The following RBFOX1 variants were observed in gnomAD, a reference collection of about 807,000 sequenced individuals.
RBFOX1 encodes the protein RNA binding fox-1 homolog 1.
A neutral mutation model predicts 57.7 loss-of-function variants in RBFOX1; 8 were observed. That is an observed-to-expected ratio of 0.14 (90% confidence interval 0.08 to 0.25). The LOEUF is 0.25. Ranked by LOEUF, RBFOX1 falls within the 10% of genes least tolerant of loss-of-function variation. RBFOX1 has a pLI of 1.00. For synonymous variants in RBFOX1, 326 were observed against 222.4 expected, an observed-to-expected ratio of 1.47 and a Z score of -4.15; for missense variants, 611 against 548.5, an observed-to-expected ratio of 1.11 and a Z score of -1.14.
At chr16:7,516,641 C>T (rs2076418073) in intron 4 of RBFOX1, among the ~76,000 whole-genome samples, 1 of 152,166 alleles carries the variant, frequency 6.6e-6, no homozygotes, top group South Asian at 2.1e-4. Flanking sequence ...ATGCTCGTGC[C>T]CTTTTGTTTC....
intron 2 of RBFOX1, among the ~76,000 whole-genome samples, chr16:6,497,001 C>T (rs2095789734): frequency 6.6e-6 from 1 of 152,168 alleles, no homozygotes; most frequent in South Asian, 2.1e-4. Flanking sequence ...AGTATAGTAT[C>T]TGCCAAGTAC....
intron 3 of RBFOX1, among the ~76,000 whole-genome samples, chr16:7,004,694 A>T (rs77355358): frequency 0.039 from 5,900 of 152,334 alleles, 387 homozygotes; most frequent in African/African-American, 0.13. Flanking sequence ...CAAAAGCCAC[A>T]TCATAACCAG....
intron 4 of RBFOX1, among the ~76,000 whole-genome samples, chr16:6,001,636 G>C (rs949572258): frequency 1.3e-5 from 2 of 152,118 alleles, no homozygotes; most frequent in Non-Finnish European, 2.9e-5. Flanking sequence ...TTATGTATTT[G>C]CTTAAATACA....
chr16:7,294,125 C>A (rs1026061401), intron 4 of RBFOX1, among the ~76,000 whole-genome samples: 1 of 152,108 alleles, frequency 6.6e-6, no homozygotes, highest in Non-Finnish European at 1.5e-5. Flanking sequence ...ATCCAGAAGT[C>A]GAAACACAGA....
intron 3 of RBFOX1, among the ~76,000 whole-genome samples, chr16:6,885,533 T>C (rs1567713635): frequency 7.5e-6 from 1 of 134,164 alleles, no homozygotes; most frequent in Non-Finnish European, 1.7e-5. Context: ...TATTTTTTTA[T>C]TTTTTTTATT....
chr16:6,231,447 A>G (rs1302320152), intron 1 of RBFOX1, among the ~76,000 whole-genome samples: 2 of 152,182 alleles, frequency 1.3e-5, no homozygotes, highest in South Asian at 4.1e-4. Context: ...CTATATAAAG[A>G]TAAGGATAGG....
intron 4 of RBFOX1, among the ~76,000 whole-genome samples, chr16:5,911,501 C>T (rs1450068737): frequency 6.6e-6 from 1 of 152,192 alleles, no homozygotes; most frequent in African/African-American, 2.4e-5. Flanking sequence ...TAACAGAGAG[C>T]TCGGCTGTAA....
chr16:5,912,948 G>C (rs1259929635), intron 4 of RBFOX1, among the ~76,000 whole-genome samples: 2 of 152,152 alleles, frequency 1.3e-5, no homozygotes, highest in African/African-American at 4.8e-5. Flanking sequence ...TGACCTGGTG[G>C]GGTGGCCAGC....
chr16:6,311,623 G>A (rs576033277), intron 1 of RBFOX1, among the ~76,000 whole-genome samples: 1 of 152,298 alleles, frequency 6.6e-6, no homozygotes, highest in South Asian at 2.1e-4. Flanking sequence ...TTGCTTCTGA[G>A]GCTGGAGTTC....
At chr16:5,404,943 G>C (rs1239345656) in intron 1 of RBFOX1, among the ~76,000 whole-genome samples, 3 of 152,178 alleles carry the variant, frequency 2.0e-5, no homozygotes, top group Non-Finnish European at 4.4e-5. Flanking sequence ...GGAACTTTTG[G>C]AGTCATCATC....
At chr16:7,042,532 T>G (rs924027664) in intron 3 of RBFOX1, among the ~76,000 whole-genome samples, 19 of 152,310 alleles carry the variant, frequency 1.2e-4, no homozygotes, top group South Asian at 4.1e-4. Context: ...GTTCTGAGAA[T>G]TAACTAAGCT....
At chr16:7,644,503 C>T (rs897734564) in intron 11 of RBFOX1, among the ~76,000 whole-genome samples, 1 of 152,202 alleles carries the variant, frequency 6.6e-6, no homozygotes, top group Non-Finnish European at 1.5e-5. Flanking sequence ...CCCAGAGTTT[C>T]TGTGGGAATA....
At chr16:7,215,684 C>T (rs184826222) in intron 4 of RBFOX1, among the ~76,000 whole-genome samples, 260 of 151,806 alleles carry the variant, frequency 1.7e-3, no homozygotes, top group Admixed American at 3.1e-3. Flanking sequence ...GCTAGGCCAC[C>T]ACTAATCTAT....
chr16:5,530,756 C>G (rs996621425), intron 2 of RBFOX1, among the ~76,000 whole-genome samples: 2 of 151,876 alleles, frequency 1.3e-5, no homozygotes, highest in African/African-American at 4.8e-5. Context: ...AAAACTATCC[C>G]CAGTTGAGAA....
intron 10 of RBFOX1, among the ~76,000 whole-genome samples, chr16:7,610,674 A>G (rs2057312528): frequency 6.6e-6 from 1 of 152,220 alleles, no homozygotes; most frequent in African/African-American, 2.4e-5. Context: ...ATGTGGGGAC[A>G]TGTAGCTGTA....
chr16:5,433,666 G>A (rs1424411908), intron 1 of RBFOX1, among the ~76,000 whole-genome samples: 4 of 152,294 alleles, frequency 2.6e-5, no homozygotes, highest in Non-Finnish European at 5.9e-5. Context: ...TGTGGCATTT[G>A]TCGCAATTAC....
At chr16:6,559,487 A>C (rs997267555) in intron 2 of RBFOX1, among the ~76,000 whole-genome samples, 4 of 152,036 alleles carry the variant, frequency 2.6e-5, no homozygotes, top group Non-Finnish European at 1.5e-5. Flanking sequence ...TGAACTATGC[A>C]TTTTTTGAGA....
intron 4 of RBFOX1, among the ~76,000 whole-genome samples, chr16:6,009,455 A>T (rs184088692): frequency 6.6e-6 from 1 of 152,198 alleles, no homozygotes; most frequent in Non-Finnish European, 1.5e-5. Flanking sequence ...ACTGTTTCTT[A>T]GTCCTAGTTA....
At chr16:6,455,739 C>T (rs2094755242) in intron 2 of RBFOX1, among the ~76,000 whole-genome samples, 1 of 152,246 alleles carries the variant, frequency 6.6e-6, no homozygotes, top group East Asian at 1.9e-4. Flanking sequence ...GTCGTTGCAG[C>T]TGGTAATGAC....
Sources: allele counts gnomAD v4.1 joint callset (sites outside exome capture counted in the v4.1 genomes callset), GRCh38; gene constraint gnomAD v4.1.1; transcripts MANE v1.5; gene names NCBI Gene and HGNC (gene_info 2026-07-23, HGNC 2026-07-21).